SHC3: variants seen among roughly 807,000 people sequenced by gnomAD.
SHC3 encodes SHC adaptor protein 3.
A neutral mutation model predicts 60.4 loss-of-function variants in SHC3; 15 were observed. The ratio of observed to expected loss-of-function variants is 0.25; its 90% CI spans 0.17 to 0.38. SHC3 has a LOEUF of 0.38. Ranked by LOEUF, SHC3 falls within the 10% of genes least tolerant of loss-of-function variation. SHC3 has a pLI of 1.00. For missense variants in SHC3, 677 were observed against 786.1 expected (o/e 0.86, Z 1.66); for synonymous variants, 294 against 325.9 (o/e 0.90, Z 1.05).
intron 1 of SHC3, among the ~76,000 whole-genome samples, chr9:89,138,480 C>G (rs1826350100): frequency 1.3e-5 from 2 of 152,174 alleles, no homozygotes; most frequent in Non-Finnish European, 2.9e-5. Flanking sequence ...GTGAGGACAA[C>G]CAGAGGTCAC....
At position 89,107,765 on chromosome 9, in the gene SHC3, G is replaced by A. The variant is rs565319142; in HGVS notation, c.545+4791C>T. Reference sequence around the variant, plus strand: ...GGGGTGGTAGGTAATTCACATGACTGCTCTCTGTTCTAATTCCGAAATTCA... The same window carrying A: ...GGGGTGGTAGGTAATTCACATGACTACTCTCTGTTCTAATTCCGAAATTCA... On this transcript the variant is annotated intron_variant, in intron 2 of 11. Coordinates refer to ENST00000375835, the MANE Select transcript of SHC3 (RefSeq NM_016848.6). Among the ~76,000 whole-genome samples the A allele has an allele frequency of 3.3e-5, 5 of 152,298 alleles. No homozygotes were observed. The East Asian group carries it at 9.7e-4, about 29-fold the overall frequency.
At chr9:89,118,414 C>T (rs1826046707) in intron 1 of SHC3, among the ~76,000 whole-genome samples, 1 of 151,678 alleles carries the variant, frequency 6.6e-6, no homozygotes, top group Non-Finnish European at 1.5e-5. Context: ...GATGCATCTG[C>T]CTCATAGGAA....
At chr9:89,058,733 T>C (rs569423442) in intron 6 of SHC3, among the ~76,000 whole-genome samples, 8 of 131,704 alleles carry the variant, frequency 6.1e-5, no homozygotes, top group African/African-American at 2.0e-4. Context: ...GTGTAGGACA[T>C]GGTGAAGGGC....
chr9:89,018,279 G>A (rs1056923290), intron 11 of SHC3, among the ~76,000 whole-genome samples: 4 of 150,332 alleles, frequency 2.7e-5, no homozygotes, highest in African/African-American at 9.8e-5. Context: ...AAGAAAATGT[G>A]GCATATACAC....
At chr9:89,095,028 A>G (rs1227121589) in intron 2 of SHC3, among the ~76,000 whole-genome samples, 2 of 152,196 alleles carry the variant, frequency 1.3e-5, no homozygotes, top group Non-Finnish European at 2.9e-5. Flanking sequence ...GGAGTATACA[A>G]TTGTGCAGCC....
chr9:89,140,564 C>G (rs1327907744), intron 1 of SHC3, among the ~76,000 whole-genome samples: 1 of 152,132 alleles, frequency 6.6e-6, no homozygotes, highest in South Asian at 2.1e-4. Context: ...ATATTTCCTA[C>G]CTAGTTATTA....
chr9:89,080,511 C>A (rs1391596011), intron 2 of SHC3, among the ~76,000 whole-genome samples: 1 of 151,990 alleles, frequency 6.6e-6, no homozygotes, highest in Non-Finnish European at 1.5e-5. Flanking sequence ...ACAGCCCATC[C>A]CAAGGCCCCA....
intron 4 of SHC3, 121 bp from the exon 5 acceptor site, chr9:89,071,373 A>C: frequency 1.1e-6 from 1 of 901,400 alleles, no homozygotes; most frequent in Non-Finnish European, 1.7e-6. Context: ...TGGTATCTAT[A>C]TAAAAATAAT....
intron 1 of SHC3, among the ~76,000 whole-genome samples, chr9:89,160,861 T>C (rs1174477711): frequency 1.3e-5 from 2 of 152,214 alleles, no homozygotes; most frequent in Admixed American, 6.5e-5. Flanking sequence ...ACATAGTTCA[T>C]GGAAGGAACA....
rs116085698 is a variant in SHC3 at position 89,140,724 on chromosome 9, G to A, written c.475-28098C>T. Among the ~76,000 whole-genome samples, 1,173 of 152,214 alleles carry A rather than the reference G, an allele frequency of 7.7e-3. 20 individuals carry two copies. Among genetic ancestry groups the A allele is most frequent in the African/African-American group, 0.027 (1,110 of 41,532 alleles). ...CCTGGGGTTTCATGAGGAAAAAAAA[G>A]AGAATTTTCCCAAAACAGGGTCCGT... On this transcript the variant is annotated intron_variant, in intron 1 of 11. Transcript: ENST00000375835.
intron 2 of SHC3, among the ~76,000 whole-genome samples, chr9:89,091,335 C>T (rs960708048): frequency 1.3e-5 from 2 of 152,128 alleles, no homozygotes; most frequent in Non-Finnish European, 2.9e-5. Flanking sequence ...CAGCAGAAAA[C>T]AAATGTTACC....
At chr9:89,113,459 C>T (rs972177663) in intron 1 of SHC3, among the ~76,000 whole-genome samples, 1 of 152,062 alleles carries the variant, frequency 6.6e-6, no homozygotes, top group East Asian at 1.9e-4. Context: ...CACTGCACTA[C>T]AGCCTGGGCG....
rs1587690731 is a variant in SHC3, at chr9:89,041,886, C to T, written c.1360+140G>A. The T allele has an allele frequency of 5.6e-6, 6 of 1,078,262 alleles. No homozygotes were observed. In the South Asian group the frequency reaches 6.2e-5, roughly 11 times the overall value. 66.8% of individuals were successfully genotyped at this position (1,078,262 alleles called of 1,614,324 possible). On this transcript the variant is annotated intron_variant, in intron 10 of 11. Coordinates refer to ENST00000375835, the MANE Select transcript of SHC3 (RefSeq NM_016848.6). ...AAGCCTTAAACAAACCCAATCATCACCCAGAAAAGTACAGCTAATCATCAC... is the reference window on the plus strand; with the variant it reads ...AAGCCTTAAACAAACCCAATCATCATCCAGAAAAGTACAGCTAATCATCAC...
chr9:89,038,066 G>T lies in SHC3; in HGVS notation c.1583C>A (p.Pro528Gln), dbSNP rs144984717. 17 of 1,613,876 alleles carry T rather than the reference G, an allele frequency of 1.1e-5. No individual in the cohort carries two copies. Among genetic ancestry groups the T allele is most frequent in the Admixed American group, 6.7e-5 (4 of 60,004 alleles). ...CATGCCCGTGAGGACAAAGGAGCCCGGGTTGGTGGTGCTCTTCCTGACCAG... is the reference window on the plus strand; with the variant it reads ...CATGCCCGTGAGGACAAAGGAGCCCTGGTTGGTGGTGCTCTTCCTGACCAG... ...DFLVRKSTTN[P>Q]GSFVLTGMHN... The change falls in exon 11 of 12, where the codon CCG (proline) becomes CAG (glutamine). Residue 528 changes from proline to glutamine, a missense_variant. Physicochemically the swap from Pro to Gln is moderately conservative, Grantham distance 76. Transcript: ENST00000375835.
chr9:89,156,261 G>T (rs1788842533), intron 1 of SHC3, among the ~76,000 whole-genome samples: 1 of 152,148 alleles, frequency 6.6e-6, no homozygotes, highest in African/African-American at 2.4e-5. Flanking sequence ...CCTGCATATA[G>T]CCAGATACCA....
At chr9:89,163,676 A>G (rs1400256811) in intron 1 of SHC3, among the ~76,000 whole-genome samples, 4 of 151,000 alleles carry the variant, frequency 2.6e-5, no homozygotes, top group Non-Finnish European at 4.4e-5. Context: ...GCGCACCAGC[A>G]TGGCACATGT....
At chr9:89,066,064 G>A (rs1220295934) in intron 5 of SHC3, among the ~76,000 whole-genome samples, 1 of 152,148 alleles carries the variant, frequency 6.6e-6, no homozygotes, top group Admixed American at 6.5e-5. Context: ...TGAACCACAT[G>A]TTAAGAACCA....
chr9:89,075,269 A>C (rs773416008), intron 3 of SHC3, 41 bp from the exon 4 acceptor site: 2 of 1,606,198 alleles, frequency 1.2e-6, no homozygotes, highest in Middle Eastern at 1.7e-4. Context: ...TTTCATTTCC[A>C]TCTCAAAGGG....
intron 1 of SHC3, among the ~76,000 whole-genome samples, chr9:89,177,041 G>T (rs1421786474): frequency 6.6e-6 from 1 of 152,198 alleles, no homozygotes; most frequent in Non-Finnish European, 1.5e-5. Flanking sequence ...ACAAAGCCAT[G>T]CCTTGGAGTG....
Sources: allele counts gnomAD v4.1 joint callset (sites outside exome capture counted in the v4.1 genomes callset), GRCh38; gene constraint gnomAD v4.1.1; transcripts MANE v1.5; gene names NCBI Gene and HGNC (gene_info 2026-07-23, HGNC 2026-07-21).